DOCK2: variants seen among roughly 807,000 people sequenced by gnomAD.
DOCK2 encodes the protein dedicator of cytokinesis 2.
In DOCK2, 87 loss-of-function variants were observed where a neutral mutation model predicts 248.9. The observed-to-expected ratio is 0.35, with a 90% confidence interval of 0.29 to 0.42. DOCK2 has a LOEUF of 0.42. Among genes scored for constraint, DOCK2 ranks in the 10% least tolerant of loss-of-function variants. DOCK2 has a pLI of 1.00. For synonymous variants in DOCK2, 805 were observed against 821.6 expected (o/e 0.98, Z 0.35); for missense variants, 1,747 against 2,300.2 (o/e 0.76, Z 4.92).
intron 27 of DOCK2, among the ~76,000 whole-genome samples, chr5:169,865,733 C>G (rs1052932473): frequency 3.3e-5 from 5 of 152,232 alleles, no homozygotes; most frequent in Non-Finnish European, 7.3e-5. Flanking sequence ...AGTGCATTCT[C>G]CTTGTTTAGC....
intron 1 of DOCK2, among the ~76,000 whole-genome samples, chr5:169,651,476 C>T (rs956063374): frequency 8.5e-5 from 13 of 152,152 alleles, no homozygotes; most frequent in African/African-American, 1.2e-4. Context: ...GAGCTGGTCA[C>T]GGAGTAACAC....
At chr5:170,023,786 T>C (rs1452716161) in intron 33 of DOCK2, among the ~76,000 whole-genome samples, 1 of 152,222 alleles carries the variant, frequency 6.6e-6, no homozygotes, top group Non-Finnish European at 1.5e-5. Flanking sequence ...ATCCTTGTCA[T>C]CTTCCTGACA....
intron 44 of DOCK2, among the ~76,000 whole-genome samples, chr5:170,061,889 C>A (rs962761677): frequency 5.3e-5 from 8 of 152,332 alleles, no homozygotes; most frequent in Non-Finnish European, 1.0e-4. Context: ...CTTGGCCCCT[C>A]AGAGCCCCCC....
chr5:169,679,470 G>C (rs75149749), intron 6 of DOCK2, among the ~76,000 whole-genome samples: 2 of 152,194 alleles, frequency 1.3e-5, no homozygotes, highest in East Asian at 3.9e-4. Flanking sequence ...AAGTGATTTT[G>C]ATGTCCAAGG....
At chr5:169,909,098 G>C (rs780364763) in intron 27 of DOCK2, among the ~76,000 whole-genome samples, 3 of 152,184 alleles carry the variant, frequency 2.0e-5, no homozygotes, top group Non-Finnish European at 4.4e-5. Flanking sequence ...TGTGAGGAGA[G>C]TCTGTGGATG....
chr5:169,943,199 T>C (rs998198434), intron 27 of DOCK2, among the ~76,000 whole-genome samples: 5 of 152,208 alleles, frequency 3.3e-5, no homozygotes, highest in Non-Finnish European at 4.4e-5. Context: ...CTTTGGAGCA[T>C]GCTTCAGGAA....
chr5:169,751,711 C>T (rs573684492), intron 23 of DOCK2, among the ~76,000 whole-genome samples: 4 of 152,052 alleles, frequency 2.6e-5, no homozygotes, highest in Admixed American at 6.6e-5. Flanking sequence ...TCTGAGTCGG[C>T]GTGGCAGCAG....
intron 22 of DOCK2, among the ~76,000 whole-genome samples, chr5:169,740,188 C>T (rs1260826969): frequency 6.6e-6 from 1 of 152,192 alleles, no homozygotes; most frequent in African/African-American, 2.4e-5. Context: ...ATCTTATTAC[C>T]TACTTACTAT....
intron 27 of DOCK2, among the ~76,000 whole-genome samples, chr5:169,870,044 G>GAA (rs201557908): frequency 0.01 from 1,526 of 152,304 alleles, 24 homozygotes; most frequent in African/African-American, 0.035. Flanking sequence ...ATAGTCCAGG[G>GAA]CATTCATGGT....
intron 27 of DOCK2, among the ~76,000 whole-genome samples, chr5:169,933,322 T>A (rs1360613897): frequency 6.6e-6 from 1 of 152,186 alleles, no homozygotes; most frequent in Admixed American, 6.5e-5. Context: ...CTGGGGCTAA[T>A]CAAATACAGA....
At chr5:169,644,170 A>G (rs962566811) in intron 1 of DOCK2, among the ~76,000 whole-genome samples, 2 of 152,098 alleles carry the variant, frequency 1.3e-5, no homozygotes, top group Admixed American at 1.3e-4. Flanking sequence ...CTTGGCTTTT[A>G]CTCTGAATGG....
chr5:169,924,424 C>A (rs1775331934), intron 27 of DOCK2, among the ~76,000 whole-genome samples: 1 of 152,174 alleles, frequency 6.6e-6, no homozygotes, highest in Non-Finnish European at 1.5e-5. Flanking sequence ...TCCAACCATC[C>A]TGTCAGCAAA....
At chr5:169,973,282 A>G (rs1777594212) in intron 27 of DOCK2, among the ~76,000 whole-genome samples, 1 of 152,122 alleles carries the variant, frequency 6.6e-6, no homozygotes, top group Non-Finnish European at 1.5e-5. Flanking sequence ...AGCTGCCCTC[A>G]TTTCCACAGG....
In DOCK2 at chr5:169,708,210, G is replaced by A. The variant is rs1263151084; in HGVS notation, c.1425G>A (p.Glu475=). The change falls in exon 15 of 52, where the codon GAG becomes GAA. Residue 475 remains glutamate, a synonymous_variant. Transcript: ENST00000520908. The part of the protein sequence containing the change: ...CVGAGDKPMN[E]YRSVVYYQVK... ...GAGCAGGGGACAAGCCCATGAATGA[G>A]TATCGCTCCGTTGTGTACTATCAAG... The A allele has an allele frequency of 6.8e-6, 11 of 1,614,004 alleles. No homozygotes were observed. Among genetic ancestry groups the A allele is most frequent in the Middle Eastern group, 3.3e-4 (2 of 6,060 alleles).
chr5:169,759,548 A>G, intron 23 of DOCK2, among the ~76,000 whole-genome samples, 157 bp from the exon 24 acceptor site: 1 of 152,188 alleles, frequency 6.6e-6, no homozygotes, highest in Non-Finnish European at 1.5e-5. Flanking sequence ...GTCCGTGCTT[A>G]TGTTTTGATG....
At chr5:169,811,106 G>A (rs111560374) in intron 26 of DOCK2, among the ~76,000 whole-genome samples, 2,465 of 152,180 alleles carry the variant, frequency 0.016, 76 homozygotes, top group African/African-American at 0.055. Flanking sequence ...CCGATGGGAG[G>A]GGAGGGGACT....
intron 19 of DOCK2, among the ~76,000 whole-genome samples, chr5:169,715,592 TTTC>T (rs1353101560): frequency 6.6e-6 from 1 of 151,616 alleles, no homozygotes; most frequent in East Asian, 1.9e-4. Flanking sequence ...TGCATTCTTT[TTTC>T]TTTTTTTTTT....
intron 27 of DOCK2, among the ~76,000 whole-genome samples, chr5:169,887,601 A>T (rs1773045046): frequency 6.6e-6 from 1 of 152,224 alleles, no homozygotes; most frequent in Non-Finnish European, 1.5e-5. Context: ...TTGTCTAGTT[A>T]TACAATTATC....
intron 27 of DOCK2, among the ~76,000 whole-genome samples, chr5:169,896,071 G>T (rs1227891914): frequency 6.6e-6 from 1 of 152,076 alleles, no homozygotes; most frequent in Non-Finnish European, 1.5e-5. Flanking sequence ...CTGTTTCCCA[G>T]TCCCATGTCT....
Sources: gnomAD v4.1 joint callset for allele counts (sites outside exome capture counted in the v4.1 genomes callset) on GRCh38, gnomAD v4.1.1 for gene constraint, MANE v1.5 for transcripts, NCBI Gene and HGNC (gene_info 2026-07-23, HGNC 2026-07-21) for gene names.